CNTNAP2: variants seen among roughly 807,000 people sequenced by gnomAD.
The protein encoded by CNTNAP2 is contactin associated protein 2, also known as contactin-associated protein-like 2.
A neutral mutation model predicts 155.2 loss-of-function variants in CNTNAP2; 98 were observed. The observed-to-expected ratio is 0.63, with a 90% confidence interval of 0.54 to 0.75. The LOEUF is 0.75. Ranked by LOEUF, CNTNAP2 falls within the 30% of genes least tolerant of loss-of-function variation. The pLI, the probability that CNTNAP2 is intolerant of heterozygous loss-of-function variation, is 0.00. For synonymous variants in CNTNAP2, 651 were observed against 631.2 expected (o/e 1.03, Z -0.47); for missense variants, 1,727 against 1,688.1 (o/e 1.02, Z -0.40).
intron 10 of CNTNAP2, among the ~76,000 whole-genome samples, chr7:147,458,852 G>A (rs1402076329): frequency 2.6e-5 from 4 of 152,132 alleles, no homozygotes; most frequent in African/African-American, 9.7e-5. Context: ...TAAAAGTATG[G>A]AGCTGGCATA....
chr7:148,183,204 G>A (rs1055544819), intron 18 of CNTNAP2, among the ~76,000 whole-genome samples: 4 of 152,208 alleles, frequency 2.6e-5, no homozygotes, highest in African/African-American at 9.6e-5. Context: ...AAACAAGCCA[G>A]AAGGCCGAGT....
intron 13 of CNTNAP2, among the ~76,000 whole-genome samples, chr7:147,654,275 T>C (rs2116944463): frequency 6.6e-6 from 1 of 152,330 alleles, no homozygotes; most frequent in South Asian, 2.1e-4. Context: ...AAAATTATAA[T>C]ATACTTTTTT....
chr7:147,801,411 G>A (rs1476210680), intron 13 of CNTNAP2, among the ~76,000 whole-genome samples: 1 of 150,964 alleles, frequency 6.6e-6, no homozygotes, highest in African/African-American at 2.4e-5. Flanking sequence ...GTGGAGGGAA[G>A]GTCGGCAGAT....
chr7:147,629,751 AG>A (rs1418048409), intron 12 of CNTNAP2, among the ~76,000 whole-genome samples: 14 of 152,142 alleles, frequency 9.2e-5, no homozygotes, highest in African/African-American at 3.4e-4. Flanking sequence ...AATGAAATAA[AG>A]ATAAAATTTA....
intron 9 of CNTNAP2, among the ~76,000 whole-genome samples, chr7:147,366,800 CA>C (rs1409440077): frequency 7.0e-6 from 1 of 142,900 alleles, no homozygotes; most frequent in African/African-American, 2.5e-5. Context: ...CACACACACA[CA>C]CACACACACA....
chr7:148,390,024 A>G (rs747925476), intron 22 of CNTNAP2, among the ~76,000 whole-genome samples: 1 of 152,150 alleles, frequency 6.6e-6, no homozygotes, highest in Non-Finnish European at 1.5e-5. Flanking sequence ...TCACTCACCA[A>G]ATGAAAGAAG....
At chr7:147,307,165 G>C (rs34640787) in intron 9 of CNTNAP2, among the ~76,000 whole-genome samples, 5,250 of 152,200 alleles carry the variant, frequency 0.034, 122 homozygotes, top group South Asian at 0.052. Flanking sequence ...ATGAAAAGTT[G>C]AAGAGAACAC....
intron 13 of CNTNAP2, among the ~76,000 whole-genome samples, chr7:147,774,543 T>A (rs1320061538): frequency 6.6e-6 from 1 of 152,154 alleles, no homozygotes; most frequent in Non-Finnish European, 1.5e-5. Context: ...AAGGCCTTTA[T>A]GGAGGTAATT....
At chr7:148,384,403 AC>A (rs1175348225) in intron 22 of CNTNAP2, among the ~76,000 whole-genome samples, 1 of 152,212 alleles carries the variant, frequency 6.6e-6, no homozygotes, top group African/African-American at 2.4e-5. Flanking sequence ...GAGTGGGAAG[AC>A]ATGTAATTTG....
chr7:146,426,395 A>G (rs1224933297), intron 1 of CNTNAP2, among the ~76,000 whole-genome samples: 1 of 74,240 alleles, frequency 1.3e-5, no homozygotes, highest in Non-Finnish European at 2.9e-5. Flanking sequence ...GTATATATAT[A>G]TATATATATA....
intron 3 of CNTNAP2, among the ~76,000 whole-genome samples, chr7:146,944,318 C>T (rs1028487238): frequency 6.6e-6 from 1 of 151,590 alleles, no homozygotes; most frequent in Non-Finnish European, 1.5e-5. Context: ...AGTTCAAACC[C>T]ATGTTGTTCA....
intron 1 of CNTNAP2, among the ~76,000 whole-genome samples, chr7:146,751,716 G>A (rs907773155): frequency 2.0e-5 from 3 of 151,828 alleles, no homozygotes; most frequent in African/African-American, 4.8e-5. Context: ...CCATCAATCC[G>A]TCATGTAGGT....
intron 1 of CNTNAP2, among the ~76,000 whole-genome samples, chr7:146,587,490 C>G (rs556286491): frequency 6.6e-6 from 1 of 151,914 alleles, no homozygotes; most frequent in African/African-American, 2.4e-5. Context: ...TTCCAAACAC[C>G]GAAGTATCTC....
chr7:146,641,223 A>G (rs1459320618), intron 1 of CNTNAP2, among the ~76,000 whole-genome samples: 1 of 152,180 alleles, frequency 6.6e-6, no homozygotes, highest in Non-Finnish European at 1.5e-5. Context: ...GCTACTTGGG[A>G]GGCTGAGGCA....
At chr7:146,363,875 G>A (rs966865603) in intron 1 of CNTNAP2, among the ~76,000 whole-genome samples, 12 of 152,112 alleles carry the variant, frequency 7.9e-5, no homozygotes, top group African/African-American at 1.9e-4. Flanking sequence ...TGGGGATGCC[G>A]AAGAGAAAAT....
At chr7:147,037,094 T>A (rs1362588068) in intron 3 of CNTNAP2, among the ~76,000 whole-genome samples, 2 of 152,126 alleles carry the variant, frequency 1.3e-5, no homozygotes, top group African/African-American at 4.8e-5. Flanking sequence ...AAAAGAAGCT[T>A]GATTTAGGTA....
chr7:146,476,773 A>G (rs1434206598), intron 1 of CNTNAP2, among the ~76,000 whole-genome samples: 2 of 152,184 alleles, frequency 1.3e-5, no homozygotes, highest in Non-Finnish European at 2.9e-5. Flanking sequence ...GAAAAACTGA[A>G]TACATCCTAT....
chr7:146,542,028 G>A (rs1797960855), intron 1 of CNTNAP2, among the ~76,000 whole-genome samples: 1 of 151,738 alleles, frequency 6.6e-6, no homozygotes, highest in African/African-American at 2.4e-5. Context: ...TTTTTTTCAG[G>A]AAACTCAAGT....
chr7:147,168,290 A>T (rs2116470266), intron 8 of CNTNAP2, among the ~76,000 whole-genome samples: 1 of 151,762 alleles, frequency 6.6e-6, no homozygotes, highest in African/African-American at 2.4e-5. Context: ...GTTTCCAGTG[A>T]TGGGTCTTGT....
Sources: gnomAD v4.1 joint callset for allele counts (sites outside exome capture counted in the v4.1 genomes callset) on GRCh38, gnomAD v4.1.1 for gene constraint, MANE v1.5 for transcripts, NCBI Gene and HGNC (gene_info 2026-07-23, HGNC 2026-07-21) for gene names.